RNF144A: variants seen among roughly 807,000 people sequenced by gnomAD.
The protein encoded by RNF144A is E3 ubiquitin-protein ligase RNF144A.
RNF144A carries 11 observed loss-of-function variants against 38.7 expected under a neutral mutation model. That is an observed-to-expected ratio of 0.28 (90% CI 0.18 to 0.47). The LOEUF (loss-of-function observed/expected upper bound fraction) is 0.47. RNF144A is among the 20% of genes least tolerant of loss of function. RNF144A has a pLI of 0.99. For synonymous variants in RNF144A, 149 were observed against 143.9 expected (o/e 1.04, Z -0.25); for missense variants, 316 against 377.2 (o/e 0.84, Z 1.34).
intron 3 of RNF144A, among the ~76,000 whole-genome samples, chr2:7,006,042 C>T (rs1427161559): frequency 4.0e-5 from 6 of 151,068 alleles, no homozygotes; most frequent in Non-Finnish European, 8.8e-5. Flanking sequence ...TAATGAAAAG[C>T]ATTTTTTCCT....
intron 7 of RNF144A, among the ~76,000 whole-genome samples, chr2:7,026,912 G>A (rs1324021883): frequency 2.0e-5 from 3 of 152,226 alleles, no homozygotes; most frequent in Admixed American, 2.0e-4. Flanking sequence ...AGAGTTTCCT[G>A]TGTTTTCTTT....
intron 5 of RNF144A, 136 bp from the exon 6 acceptor site, chr2:7,020,337 C>T (rs1203707586): frequency 8.3e-6 from 6 of 718,696 alleles, no homozygotes; most frequent in South Asian, 1.8e-5. Context: ...GGCGGTGCTT[C>T]GGTTGGGGCT....
chr2:7,073,729 C>T, the RNF144A span, among the ~76,000 whole-genome samples: 3 of 152,182 alleles, frequency 2.0e-5, no homozygotes, highest in Admixed American at 6.5e-5. Flanking sequence ...CATGTGTGAA[C>T]TTATTTAATC....
intron 3 of RNF144A, among the ~76,000 whole-genome samples, chr2:6,999,081 A>AG (rs1669939292): frequency 6.6e-6 from 1 of 152,174 alleles, no homozygotes; most frequent in South Asian, 2.1e-4. Context: ...AAGCCACTCA[A>AG]ATTGAGACCA....
At chr2:7,005,066 G>C (rs889597720) in intron 3 of RNF144A, among the ~76,000 whole-genome samples, 2 of 152,176 alleles carry the variant, frequency 1.3e-5, no homozygotes, top group African/African-American at 4.8e-5. Context: ...ATGTATCTAA[G>C]AAATCATAGC....
intron 2 of RNF144A, among the ~76,000 whole-genome samples, chr2:6,988,561 G>A (rs1669104161): frequency 6.6e-6 from 1 of 152,206 alleles, no homozygotes; most frequent in East Asian, 1.9e-4. Flanking sequence ...CCCTAGAGGT[G>A]AAACCTTATT....
In RNF144A at chr2:6,917,520, C is replaced by CGGGCGCGGGG. The variant is rs1664194976; in HGVS notation, c.-313_-304dup. 1 of 146,002 alleles carries CGGGCGCGGGG rather than the reference C, an allele frequency of 6.8e-6. No individual in the cohort carries two copies. Among genetic ancestry groups the CGGGCGCGGGG allele is most frequent in the Non-Finnish European group, 1.5e-5 (1 of 65,000 alleles). The allele number at this position is 146,002 out of a possible 1,614,324, so 9.0% of individuals were successfully genotyped here. On this transcript the variant is annotated 5_prime_UTR_variant, in exon 1 of 9. Transcript: ENST00000320892. The surrounding 1 kb of genome is among the most constrained non-coding windows in gnomAD (Gnocchi z 4.8). ...TGCAGTGCGGGCCGTGCGGGCTGCG[C>CGGGCGCGGGG]GGGCGCGGGGAGGCGCGGGCGGCAA...
At chr2:6,997,162 C>T in intron 3 of RNF144A, 101 bp downstream of exon 3, 2 of 1,184,996 alleles carry the variant, frequency 1.7e-6, no homozygotes, top group Non-Finnish European at 2.5e-6. Flanking sequence ...TACATTTTGC[C>T]TGACAGTGGA....
At chr2:7,015,763 G>A (rs560453427) in intron 5 of RNF144A, among the ~76,000 whole-genome samples, 1 of 152,274 alleles carries the variant, frequency 6.6e-6, no homozygotes, top group East Asian at 1.9e-4. Flanking sequence ...TCATTGTGTG[G>A]ACCTTGCAGG....
Position 6,969,245 on chromosome 2 carries a change from G to C in RNF144A, c.-11-27671G>C, listed in dbSNP as rs529025932. On this transcript the variant is annotated intron_variant, in intron 2 of 8. Coordinates refer to ENST00000320892, the MANE Select transcript of RNF144A (RefSeq NM_014746.6). ...GAATCCTAACTCCCAGTACATCAGA[G>C]TGTGACCTTATTTGGAGGGAGGGCC... Among the ~76,000 whole-genome samples, 4 of 152,312 alleles carry C rather than the reference G, an allele frequency of 2.6e-5. No homozygotes were observed. In the South Asian group the frequency reaches 6.2e-4, roughly 24 times the overall value.
chr2:7,070,701 C>G (rs1674441058), downstream of RNF144A, among the ~76,000 whole-genome samples: 1 of 152,128 alleles, frequency 6.6e-6, no homozygotes, highest in African/African-American at 2.4e-5. Context: ...TATGTAAAAA[C>G]AGAGATGCAC....
chr2:6,930,045 C>T (rs192024728), intron 1 of RNF144A, among the ~76,000 whole-genome samples: 1 of 152,342 alleles, frequency 6.6e-6, no homozygotes, highest in East Asian at 1.9e-4. Flanking sequence ...GGCATGATTA[C>T]TTTGCACAGT....
intron 3 of RNF144A, among the ~76,000 whole-genome samples, chr2:6,998,761 T>C (rs930394300): frequency 6.6e-6 from 1 of 152,204 alleles, no homozygotes; most frequent in Non-Finnish European, 1.5e-5. Context: ...TTGTCATTTC[T>C]AGATGAGTTA....
chr2:6,945,470 G>A (rs1337719845), intron 2 of RNF144A, among the ~76,000 whole-genome samples: 11 of 152,220 alleles, frequency 7.2e-5, no homozygotes, highest in Non-Finnish European at 1.3e-4. Context: ...AAGTCAGTCT[G>A]TTGCTGGGTC....
chr2:6,997,237 A>C lies in RNF144A; in HGVS notation c.135+176A>C, dbSNP rs568570102. Among the ~76,000 whole-genome samples, 6 of 152,358 alleles carry C rather than the reference A, an allele frequency of 3.9e-5. No homozygotes were observed. In the East Asian group the frequency reaches 1.2e-3, roughly 29 times the overall value. The stretch of plus-strand genomic sequence containing the variant: ...TATTCTGTTAGTCAGGCAGGCTCCC[A>C]GAGTGGAAGATTTCCATTACAGTTG... On this transcript the variant is annotated intron_variant, in intron 3 of 8. Transcript: ENST00000320892.
chr2:6,995,256 C>G (rs992298181), intron 2 of RNF144A, among the ~76,000 whole-genome samples: 1 of 151,808 alleles, frequency 6.6e-6, no homozygotes, highest in African/African-American at 2.4e-5. Flanking sequence ...TGGGAATAAG[C>G]TACTCAAATG....
chr2:6,971,931 A>T (rs1045425758), intron 2 of RNF144A, among the ~76,000 whole-genome samples: 1 of 152,134 alleles, frequency 6.6e-6, no homozygotes, highest in African/African-American at 2.4e-5. Flanking sequence ...TTTCCTTTCT[A>T]GTCTTTTCTT....
At chr2:6,920,822 C>A (rs186025584) in intron 1 of RNF144A, among the ~76,000 whole-genome samples, 77 of 152,362 alleles carry the variant, frequency 5.1e-4, no homozygotes, top group Non-Finnish European at 9.4e-4. Context: ...ATTGAAGCCA[C>A]TGCTCACATA....
intron 1 of RNF144A, among the ~76,000 whole-genome samples, chr2:6,923,621 A>G (rs894560145): frequency 6.6e-6 from 1 of 152,082 alleles, no homozygotes; most frequent in Non-Finnish European, 1.5e-5. Context: ...GACTGTGGAG[A>G]TGCTCTCCTC....
Sources: gnomAD v4.1 joint callset for allele counts (sites outside exome capture counted in the v4.1 genomes callset) on GRCh38, gnomAD v4.1.1 for gene constraint, Gnocchi (gnomAD v3.1) non-coding constraint, MANE v1.5 for transcripts, NCBI Gene and HGNC (gene_info 2026-07-23, HGNC 2026-07-21) for gene names.